Variants in AKAP19 observed in about 807,000 individuals in gnomAD.
AKAP19 encodes the protein small A-kinase anchoring protein.
the AKAP19 span, among the ~76,000 whole-genome samples, chr2:190,192,373 T>C: frequency 1.7e-4 from 26 of 152,088 alleles, no homozygotes; most frequent in African/African-American, 6.0e-4. Flanking sequence ...CATTAGATAA[T>C]AGGAGTACTC....
At chr2:190,189,499 T>TAGCC in the AKAP19 span, among the ~76,000 whole-genome samples, 1 of 152,196 alleles carries the variant, frequency 6.6e-6, no homozygotes, top group African/African-American at 2.4e-5. Flanking sequence ...GAAGAACAGT[T>TAGCC]GTTTTCTATC....
At chr2:190,023,617 T>C in the AKAP19 span, among the ~76,000 whole-genome samples, 1 of 152,018 alleles carries the variant, frequency 6.6e-6, no homozygotes, top group East Asian at 1.9e-4. Flanking sequence ...TGTTCTTTTT[T>C]TATTTTACAA....
the AKAP19 span, among the ~76,000 whole-genome samples, chr2:189,934,854 A>G: frequency 3.3e-5 from 5 of 151,920 alleles, no homozygotes; most frequent in African/African-American, 9.7e-5. Flanking sequence ...AGAAAAAGAT[A>G]TATTCTCATA....
the AKAP19 span, among the ~76,000 whole-genome samples, chr2:189,885,392 A>G: frequency 6.6e-6 from 1 of 152,334 alleles, no homozygotes; most frequent in East Asian, 1.9e-4. Flanking sequence ...GTGGAGAAAG[A>G]GATATTTGAC....
chr2:190,175,648 T>C, the AKAP19 span, among the ~76,000 whole-genome samples: 1 of 152,208 alleles, frequency 6.6e-6, no homozygotes, highest in Admixed American at 6.5e-5. Flanking sequence ...GAGGGGCTAT[T>C]TGATTTTTGT....
chr2:189,957,625 C>T, the AKAP19 span, among the ~76,000 whole-genome samples: 11 of 152,204 alleles, frequency 7.2e-5, no homozygotes, highest in Non-Finnish European at 2.9e-5. Flanking sequence ...ATAGAAACCA[C>T]TATGACAGTT....
At chr2:190,138,862 A>G in the AKAP19 span, among the ~76,000 whole-genome samples, 58 of 152,330 alleles carry the variant, frequency 3.8e-4, 1 homozygote, top group East Asian at 1.3e-3. Flanking sequence ...TATAGGACTT[A>G]AGAGCATAGG....
At chr2:189,998,244 A>C in the AKAP19 span, among the ~76,000 whole-genome samples, 1 of 152,186 alleles carries the variant, frequency 6.6e-6, no homozygotes, top group Non-Finnish European at 1.5e-5. Context: ...TTGGAGCAAA[A>C]GTCCATGGTG....
At chr2:190,080,749 C>T in the AKAP19 span, among the ~76,000 whole-genome samples, 5 of 152,298 alleles carry the variant, frequency 3.3e-5, no homozygotes, top group South Asian at 1.0e-3. Flanking sequence ...CTGGTGTGAG[C>T]CATATTCAGA....
the AKAP19 span, among the ~76,000 whole-genome samples, chr2:189,924,661 C>A: frequency 8.3e-4 from 126 of 152,206 alleles, no homozygotes; most frequent in African/African-American, 2.9e-3. Flanking sequence ...GTGTGTTACA[C>A]CCCCACATTA....
At chr2:189,968,893 C>G in the AKAP19 span, among the ~76,000 whole-genome samples, 1 of 151,444 alleles carries the variant, frequency 6.6e-6, no homozygotes, top group Non-Finnish European at 1.5e-5. Flanking sequence ...ATTTATCATA[C>G]AAATAATATT....
chr2:190,130,339 G>A, the AKAP19 span, among the ~76,000 whole-genome samples: 1 of 152,178 alleles, frequency 6.6e-6, no homozygotes. Context: ...AAAGTTAGAT[G>A]TTGGGAACAA....
chr2:190,137,596 C>T, the AKAP19 span, among the ~76,000 whole-genome samples: 1 of 152,278 alleles, frequency 6.6e-6, no homozygotes, highest in East Asian at 1.9e-4. Flanking sequence ...AGACTATTCG[C>T]CATCATAAAT....
At chr2:189,919,461 C>T in the AKAP19 span, among the ~76,000 whole-genome samples, 34 of 151,244 alleles carry the variant, frequency 2.2e-4, no homozygotes, top group Non-Finnish European at 3.7e-4. Flanking sequence ...ATGTGCAGAA[C>T]GTGCAGGTTT....
chr2:189,974,410 A>G, the AKAP19 span, among the ~76,000 whole-genome samples: 4 of 152,296 alleles, frequency 2.6e-5, no homozygotes, highest in South Asian at 2.1e-4. Flanking sequence ...TATGTGGTCA[A>G]TTTTGGAATA....
At chr2:190,062,149 A>T in the AKAP19 span, 18 of 1,545,844 alleles carry the variant, frequency 1.2e-5, no homozygotes, top group Non-Finnish European at 1.6e-5. Flanking sequence ...AAGAGCCTGA[A>T]AATAGATCTG....
At chr2:190,041,315 G>A in the AKAP19 span, among the ~76,000 whole-genome samples, 5 of 152,092 alleles carry the variant, frequency 3.3e-5, no homozygotes, top group African/African-American at 1.2e-4. Flanking sequence ...TTGGCTCTCA[G>A]TTTGGCTGTT....
chr2:190,032,882 G>A, the AKAP19 span, among the ~76,000 whole-genome samples: 1 of 152,038 alleles, frequency 6.6e-6, no homozygotes, highest in Non-Finnish European at 1.5e-5. Flanking sequence ...AAATATACAA[G>A]AATTCACATC....
chr2:189,915,567 GA>G, the AKAP19 span, among the ~76,000 whole-genome samples: 1 of 151,832 alleles, frequency 6.6e-6, no homozygotes, highest in Admixed American at 6.6e-5. Flanking sequence ...TTTCTCAAAA[GA>G]AAAAAATTTG....
Sources: allele counts gnomAD v4.1 joint callset (sites outside exome capture counted in the v4.1 genomes callset), GRCh38; gene constraint gnomAD v4.1.1; transcripts MANE v1.5; gene names NCBI Gene and HGNC (gene_info 2026-07-23, HGNC 2026-07-21).